Variants in CCNY observed in about 807,000 individuals in gnomAD.
CCNY encodes the protein cyclin-Y.
Under a neutral mutation model 42.8 loss-of-function variants are expected in CCNY, and 19 were observed. The ratio of observed to expected loss-of-function variants is 0.44; its 90% CI spans 0.31 to 0.65. The LOEUF (loss-of-function observed/expected upper bound fraction) is 0.65. CCNY is among the 30% of genes least tolerant of loss of function. CCNY has a pLI of 0.07. For synonymous variants in CCNY, 165 were observed against 162.7 expected, an observed-to-expected ratio of 1.01 and a Z score of -0.11; for missense variants, 370 against 437.3, an observed-to-expected ratio of 0.85 and a Z score of 1.37.
intron 1 of CCNY, among the ~76,000 whole-genome samples, chr10:35,355,144 A>G (rs1836517457): frequency 6.6e-6 from 1 of 152,200 alleles, no homozygotes; most frequent in Non-Finnish European, 1.5e-5. Context: ...ACATGAGTGC[A>G]GGAGCCTTAC....
At chr10:35,509,493 C>G (rs1357633205) in intron 3 of CCNY, among the ~76,000 whole-genome samples, 3 of 152,162 alleles carry the variant, frequency 2.0e-5, no homozygotes, top group Non-Finnish European at 4.4e-5. Flanking sequence ...CCAGGCTGGT[C>G]TCAAACTCCT....
In CCNY at chr10:35,247,551, A is replaced by C. The variant is rs528867296; in HGVS notation, c.-217+421A>C. ...CAGTGAGCTAGGATTGCACCACTGC[A>C]CTCCAGCCTGGGTGACAGAGTGAGA... On this transcript the variant is annotated intron_variant, in intron 1 of 11. Coordinates refer to the CCNY transcript ENST00000374706. Among the ~76,000 whole-genome samples the C allele has an allele frequency of 3.3e-5, 5 of 151,912 alleles. No individual in the cohort carries two copies. In the South Asian group the frequency reaches 1.0e-3, roughly 32 times the overall value.
chr10:35,266,632 C>T (rs891251878), intron 3 of CCNY, among the ~76,000 whole-genome samples: 2 of 152,156 alleles, frequency 1.3e-5, no homozygotes, highest in African/African-American at 2.4e-5. Context: ...AATGCAATGT[C>T]GGTCACAGAG....
intron 8 of CCNY, among the ~76,000 whole-genome samples, chr10:35,553,468 G>A (rs1024701034): frequency 6.6e-6 from 1 of 152,186 alleles, no homozygotes; most frequent in African/African-American, 2.4e-5. Context: ...AATTAGAAAG[G>A]TGTGGTCCAG....
intron 3 of CCNY, among the ~76,000 whole-genome samples, chr10:35,325,698 A>C (rs1835872040): frequency 6.6e-6 from 1 of 151,842 alleles, no homozygotes; most frequent in South Asian, 2.1e-4. Context: ...TGAACTCCCT[A>C]TCTCAGGTGA....
Position 35,337,010 on chromosome 10 carries a change from A to C in CCNY, c.-44A>C. 1.5e-6 allele frequency: 2 copies of C among 1,374,280 alleles called. No individual in the cohort carries two copies. The highest frequency in any genetic ancestry group is 9.6e-7 in the Non-Finnish European group (1 of 1,042,496). The allele number at this position is 1,374,280 out of a possible 1,614,324, so 85.1% of individuals were successfully genotyped here. On this transcript the variant is annotated 5_prime_UTR_variant, in exon 1 of 10. Coordinates refer to ENST00000374704, the MANE Select transcript of CCNY (RefSeq NM_145012.6). Reference sequence around the variant, plus strand: ...GTCCACCCGCGCCCCGCTCCCGGGGACTGGGAGAACAGGATAGCAGCAGGA... The same window carrying C: ...GTCCACCCGCGCCCCGCTCCCGGGGCCTGGGAGAACAGGATAGCAGCAGGA...
At chr10:35,443,919 A>G (rs1487977054) in intron 1 of CCNY, among the ~76,000 whole-genome samples, 1 of 152,228 alleles carries the variant, frequency 6.6e-6, no homozygotes, top group African/African-American at 2.4e-5. Flanking sequence ...ACAAGTACAG[A>G]ATGTGAGGTC....
At chr10:35,339,168 A>C (rs1189272606) in intron 1 of CCNY, among the ~76,000 whole-genome samples, 2 of 152,190 alleles carry the variant, frequency 1.3e-5, no homozygotes, top group Non-Finnish European at 2.9e-5. Flanking sequence ...CTGTCTCTCA[A>C]ATTCAATAAA....
intron 3 of CCNY, chr10:35,289,267 A>G (rs1440765674): frequency 6.6e-6 from 1 of 152,294 alleles, no homozygotes; most frequent in East Asian, 1.9e-4. Flanking sequence ...AATATCACTC[A>G]TTGATTAACA....
At chr10:35,372,399 T>C (rs571880584) in intron 1 of CCNY, among the ~76,000 whole-genome samples, 2 of 152,306 alleles carry the variant, frequency 1.3e-5, no homozygotes, top group East Asian at 3.9e-4. Context: ...GTCCTGTGAA[T>C]CCTTAGACGA....
chr10:35,349,908 T>A (rs369029856), intron 1 of CCNY, among the ~76,000 whole-genome samples: 1 of 152,170 alleles, frequency 6.6e-6, no homozygotes, highest in African/African-American at 2.4e-5. Context: ...AAAGAGAAAT[T>A]TAGTAGAGCA....
At position 35,366,197 on chromosome 10, in the gene CCNY, A is replaced by G. The variant is rs1836804784; in HGVS notation, c.154+28990A>G. Among the ~76,000 whole-genome samples the G allele has an allele frequency of 2.0e-5, 3 of 152,326 alleles. No individual in the cohort carries two copies. In the South Asian group the frequency reaches 6.2e-4, roughly 32 times the overall value. On this transcript the variant is annotated intron_variant, in intron 1 of 9. Coordinates refer to ENST00000374704, the MANE Select transcript of CCNY (RefSeq NM_145012.6). ...CTTTCTAAAAATATCACAGAATTTC[A>G]TTTTAGCTTGTTACACATTTGTTTC...
chr10:35,263,744 T>A (rs1405330325), intron 3 of CCNY, among the ~76,000 whole-genome samples: 1 of 152,212 alleles, frequency 6.6e-6, no homozygotes, highest in African/African-American at 2.4e-5. Flanking sequence ...GTTACATAGG[T>A]AAACACGTGC....
chr10:35,325,324 G>A (rs1352730869), intron 3 of CCNY, among the ~76,000 whole-genome samples: 2 of 151,732 alleles, frequency 1.3e-5, no homozygotes, highest in South Asian at 2.1e-4. Flanking sequence ...GACTACAGGC[G>A]TGCGCCATCA....
intron 3 of CCNY, among the ~76,000 whole-genome samples, chr10:35,326,563 C>T (rs1401650642): frequency 6.6e-6 from 1 of 152,168 alleles, no homozygotes; most frequent in Admixed American, 6.6e-5. Flanking sequence ...GGATTCTGTA[C>T]AGATTGCTGA....
chr10:35,560,419 A>T (rs1841443433), intron 8 of CCNY, among the ~76,000 whole-genome samples: 1 of 152,172 alleles, frequency 6.6e-6, no homozygotes, highest in Admixed American at 6.5e-5. Flanking sequence ...GTCCTAACCT[A>T]ATATGACAGG....
chr10:35,543,444 A>G (rs553867472), intron 7 of CCNY, among the ~76,000 whole-genome samples: 2 of 152,358 alleles, frequency 1.3e-5, no homozygotes, highest in Admixed American at 1.3e-4. Context: ...TGGACCACAT[A>G]TATGACATTT....
At chr10:35,529,325 G>T (rs1024898933) in intron 5 of CCNY, among the ~76,000 whole-genome samples, 35 of 152,274 alleles carry the variant, frequency 2.3e-4, no homozygotes, top group African/African-American at 7.9e-4. Context: ...CCCACAGTAT[G>T]TTGATGGCTT....
At chr10:35,359,973 T>C (rs1252666036) in intron 1 of CCNY, among the ~76,000 whole-genome samples, 1 of 152,278 alleles carries the variant, frequency 6.6e-6, no homozygotes, top group African/African-American at 2.4e-5. Context: ...AATGTTTTAT[T>C]GTATGGATAT....
Sources: allele counts gnomAD v4.1 joint callset (sites outside exome capture counted in the v4.1 genomes callset), GRCh38; gene constraint gnomAD v4.1.1; transcripts MANE v1.5; gene names NCBI Gene and HGNC (gene_info 2026-07-23, HGNC 2026-07-21).